Variants in RSRC1 observed in about 807,000 individuals in gnomAD.
RSRC1 encodes serine/Arginine-related protein 53.
In RSRC1, 39 loss-of-function variants were observed where a neutral mutation model predicts 49.1. The ratio of observed to expected loss-of-function variants is 0.79; its 90% CI spans 0.61 to 1.04. The LOEUF (loss-of-function observed/expected upper bound fraction) is 1.04, where lower values mean the gene tolerates loss of function less well. Ranked by LOEUF, RSRC1 falls within the 50% of genes least tolerant of loss-of-function variation. The pLI is 0.00. For synonymous variants in RSRC1, 143 were observed against 130.8 expected (o/e 1.09, Z -0.63); for missense variants, 388 against 402.4 (o/e 0.96, Z 0.31).
chr3:158,176,091 C>A (rs142338264), intron 3 of RSRC1, among the ~76,000 whole-genome samples: 1 of 152,142 alleles, frequency 6.6e-6, no homozygotes, highest in East Asian at 1.9e-4. Flanking sequence ...ATCCAACTTA[C>A]AAGGGATGTG....
chr3:158,330,016 C>T (rs770401986), intron 5 of RSRC1, among the ~76,000 whole-genome samples: 5 of 152,300 alleles, frequency 3.3e-5, no homozygotes, highest in Non-Finnish European at 4.4e-5. Flanking sequence ...GCTCCGTGGG[C>T]GTTGGACCCT....
At chr3:158,352,622 A>G (rs767056288) in intron 5 of RSRC1, among the ~76,000 whole-genome samples, 8 of 152,194 alleles carry the variant, frequency 5.3e-5, no homozygotes, top group African/African-American at 1.4e-4. Flanking sequence ...TCGCTTGCTT[A>G]GGATCTGCTT....
chr3:158,471,122 G>A (rs911136483), intron 7 of RSRC1, among the ~76,000 whole-genome samples: 5 of 152,218 alleles, frequency 3.3e-5, no homozygotes, highest in Non-Finnish European at 5.9e-5. Context: ...GAGGCAATGT[G>A]TTACTGAGTC....
chr3:158,393,761 C>T (rs1733458030), intron 6 of RSRC1, among the ~76,000 whole-genome samples: 1 of 151,986 alleles, frequency 6.6e-6, no homozygotes, highest in Non-Finnish European at 1.5e-5. Flanking sequence ...ACTATGCCTA[C>T]TGAAACTATT....
intron 6 of RSRC1, among the ~76,000 whole-genome samples, chr3:158,374,872 A>G (rs1345986992): frequency 6.6e-6 from 1 of 152,096 alleles, no homozygotes; most frequent in Non-Finnish European, 1.5e-5. Context: ...TAAAACCTAT[A>G]AATTCCTTAC....
intron 6 of RSRC1, among the ~76,000 whole-genome samples, chr3:158,384,129 A>G (rs1156952225): frequency 6.6e-6 from 1 of 152,166 alleles, no homozygotes; most frequent in East Asian, 1.9e-4. Flanking sequence ...TCATACTCTC[A>G]AAACTTGGGA....
intron 4 of RSRC1, among the ~76,000 whole-genome samples, chr3:158,249,270 C>T (rs1724073665): frequency 6.6e-6 from 1 of 152,098 alleles, no homozygotes; most frequent in African/African-American, 2.4e-5. Flanking sequence ...TTGTAATCAC[C>T]CCCTACCTCG....
chr3:158,370,774 G>A (rs1394198338), intron 6 of RSRC1, among the ~76,000 whole-genome samples: 1 of 151,840 alleles, frequency 6.6e-6, no homozygotes, highest in Non-Finnish European at 1.5e-5. Context: ...GCTTAGGATT[G>A]GGATGCTAAG....
In RSRC1 at chr3:158,211,230, C is replaced by G. The variant is rs147043608; in HGVS notation, c.494+7985C>G. 3.9e-3 allele frequency among the ~76,000 whole-genome samples: 587 copies of G among 151,772 alleles called. 4 individuals carry two copies. The highest frequency in any genetic ancestry group is 0.013 in the African/African-American group (553 of 41,428). On this transcript the variant is annotated intron_variant, in intron 4 of 9. Transcript: ENST00000611884. ...TAATGGAAGACCCTTGTCTTTGGAC[C>G]GGTATGGAATGCACAGAAACCTTCA...
intron 3 of RSRC1, among the ~76,000 whole-genome samples, chr3:158,167,843 G>A (rs1321076368): frequency 6.6e-6 from 1 of 152,154 alleles, no homozygotes; most frequent in Admixed American, 6.5e-5. Flanking sequence ...AGACAGCCAT[G>A]CACATTGGGG....
intron 5 of RSRC1, among the ~76,000 whole-genome samples, chr3:158,331,480 G>A (rs2108195409): frequency 6.6e-6 from 1 of 152,010 alleles, no homozygotes; most frequent in South Asian, 2.1e-4. Flanking sequence ...TTAGTTCTGT[G>A]TTGCTGGATA....
intron 6 of RSRC1, among the ~76,000 whole-genome samples, chr3:158,357,260 A>C (rs1731209527): frequency 6.6e-6 from 1 of 152,162 alleles, no homozygotes; most frequent in Admixed American, 6.5e-5. Flanking sequence ...ATGAGGTCAG[A>C]GGGTATTAAC....
intron 7 of RSRC1, among the ~76,000 whole-genome samples, chr3:158,463,170 G>A (rs1211947028): frequency 1.3e-5 from 2 of 151,976 alleles, no homozygotes; most frequent in Non-Finnish European, 2.9e-5. Context: ...TCTAAGACAG[G>A]CCGTAACTAT....
At chr3:158,488,102 C>T (rs1212426628) in intron 7 of RSRC1, among the ~76,000 whole-genome samples, 1 of 151,970 alleles carries the variant, frequency 6.6e-6, no homozygotes, top group East Asian at 1.9e-4. Context: ...AACGTGGACA[C>T]TGACAACCTT....
chr3:158,302,260 G>A (rs1210173680), intron 5 of RSRC1, among the ~76,000 whole-genome samples: 3 of 152,020 alleles, frequency 2.0e-5, no homozygotes, highest in East Asian at 1.9e-4. Flanking sequence ...CATGCTTCAC[G>A]TGTGCATAGG....
At chr3:158,145,655 T>C (rs866436519) in intron 3 of RSRC1, among the ~76,000 whole-genome samples, 22 of 152,250 alleles carry the variant, frequency 1.4e-4, no homozygotes, top group Middle Eastern at 3.4e-3. Flanking sequence ...GTAGTTTTTT[T>C]CAATTCTGTG....
At chr3:158,482,232 TA>T (rs1738639419) in intron 7 of RSRC1, among the ~76,000 whole-genome samples, 1 of 150,954 alleles carries the variant, frequency 6.6e-6, no homozygotes, top group African/African-American at 2.4e-5. Flanking sequence ...AAAAAACAGA[TA>T]AATTAATAGC....
chr3:158,498,615 T>G (rs1318650692), intron 7 of RSRC1, among the ~76,000 whole-genome samples: 1 of 152,218 alleles, frequency 6.6e-6, no homozygotes, highest in African/African-American at 2.4e-5. Context: ...TGCATTTGCT[T>G]TTGGGTTCTT....
chr3:158,229,149 T>C (rs1336932036), intron 4 of RSRC1, among the ~76,000 whole-genome samples: 2 of 149,280 alleles, frequency 1.3e-5, no homozygotes, highest in African/African-American at 2.5e-5. Flanking sequence ...TAAACATACA[T>C]ACGTGTATAT....
Sources: gnomAD v4.1 joint callset for allele counts (sites outside exome capture counted in the v4.1 genomes callset) on GRCh38, gnomAD v4.1.1 for gene constraint, MANE v1.5 for transcripts, NCBI Gene and HGNC (gene_info 2026-07-23, HGNC 2026-07-21) for gene names.